Variants in CPED1 observed in about 807,000 individuals in gnomAD.
CPED1 encodes the protein cadherin like and PC-esterase domain containing 1.
Under a neutral mutation model 128.2 loss-of-function variants are expected in CPED1, and 114 were observed. That is an observed-to-expected ratio of 0.89 (90% CI 0.76 to 1.04). CPED1 has a LOEUF of 1.04. Ranked by LOEUF, CPED1 falls within the 50% of genes least tolerant of loss-of-function variation. The pLI is 0.00. For synonymous variants in CPED1, 462 were observed against 426.7 expected, an observed-to-expected ratio of 1.08 and a Z score of -1.02; for missense variants, 1,211 against 1,207.1, an observed-to-expected ratio of 1.00 and a Z score of -0.05.
chr7:121,144,237 C>T (rs757409250), intron 16 of CPED1, among the ~76,000 whole-genome samples: 8 of 152,128 alleles, frequency 5.3e-5, no homozygotes, highest in Non-Finnish European at 1.0e-4. Context: ...TATCTGCATT[C>T]CCATGTTTGT....
At chr7:121,058,203 CTTG>C (rs936336185) in intron 4 of CPED1, among the ~76,000 whole-genome samples, 4 of 152,082 alleles carry the variant, frequency 2.6e-5, no homozygotes, top group Admixed American at 6.5e-5. Flanking sequence ...GGCTTTTACT[CTTG>C]TTAAGTGGAG....
intron 21 of CPED1, among the ~76,000 whole-genome samples, chr7:121,268,308 T>C (rs1584644014): frequency 6.6e-6 from 1 of 152,058 alleles, no homozygotes; most frequent in Non-Finnish European, 1.5e-5. Context: ...ATTGGCATAC[T>C]TGTGGCCTTT....
chr7:121,088,585 G>A (rs1794493384), intron 5 of CPED1, among the ~76,000 whole-genome samples: 1 of 151,298 alleles, frequency 6.6e-6, no homozygotes, highest in Admixed American at 6.6e-5. Context: ...CATGAATCCG[G>A]GAGGCAGAGG....
At position 120,989,737 on chromosome 7, in the gene CPED1, G is replaced by A; in HGVS notation, c.116G>A (p.Arg39Lys). The A allele has an allele frequency of 1.9e-6, 3 of 1,613,890 alleles. No homozygotes were observed. The highest frequency in any genetic ancestry group is 2.5e-6 in the Non-Finnish European group (3 of 1,179,984). The change falls in exon 2 of 23, where the codon AGG (arginine) becomes AAG (lysine). Residue 39 changes from arginine (R) to lysine (K), a missense_variant. Arg to Lys is a conservative substitution (Grantham distance 26). Transcript: ENST00000310396. ...CAGACTCTGACCCTCCGAGGGTCGA[G>A]GAAGCTCACAGCCGCTGCCCCTGGG... ...FYQTLTLRGS[R>K]KLTAAAPGAV...
At chr7:121,010,824 G>A (rs756227553) in intron 2 of CPED1, among the ~76,000 whole-genome samples, 1 of 152,182 alleles carries the variant, frequency 6.6e-6, no homozygotes. Flanking sequence ...ATGCTTTCAA[G>A]CCTCACCTTG....
At chr7:121,274,478 C>A (rs1010477385) in intron 22 of CPED1, among the ~76,000 whole-genome samples, 2 of 152,080 alleles carry the variant, frequency 1.3e-5, no homozygotes, top group African/African-American at 4.8e-5. Context: ...CCATGTAGGT[C>A]TCCGCCAAAT....
chr7:120,989,976 A>T, intron 2 of CPED1, 106 bp downstream of exon 2: 1 of 1,363,946 alleles, frequency 7.3e-7, no homozygotes, highest in Non-Finnish European at 1.0e-6. Context: ...TCTGAAAGGG[A>T]TCCAGAGTGT....
intron 22 of CPED1, among the ~76,000 whole-genome samples, chr7:121,272,483 C>T (rs1219884014): frequency 6.6e-6 from 1 of 152,010 alleles, no homozygotes; most frequent in African/African-American, 2.4e-5. Flanking sequence ...AATACCTCTC[C>T]TCCAAGTAGA....
chr7:121,046,541 A>T (rs756750075), intron 3 of CPED1, among the ~76,000 whole-genome samples: 4 of 152,008 alleles, frequency 2.6e-5, no homozygotes, highest in Non-Finnish European at 5.9e-5. Flanking sequence ...TCCCAAATCT[A>T]CAAAAAAAGA....
At chr7:121,159,772 A>G (rs1203467890) in intron 16 of CPED1, among the ~76,000 whole-genome samples, 2 of 152,184 alleles carry the variant, frequency 1.3e-5, no homozygotes, top group Admixed American at 6.5e-5. Context: ...ATACATGCAC[A>G]CACATGGTAA....
At chr7:121,177,756 T>A (rs1796817078) in intron 16 of CPED1, among the ~76,000 whole-genome samples, 1 of 152,088 alleles carries the variant, frequency 6.6e-6, no homozygotes, top group Admixed American at 6.6e-5. Context: ...CATGACATTT[T>A]GTAATAAGCT....
Position 121,281,130 on chromosome 7 carries a change from C to A in CPED1, c.2868+9700C>A, listed in dbSNP as rs1792451969. ...TGGATCTGGAACCACATCAGAAGTT[C>A]TTTGTGGGTTATTCAGGTCAAGATC... On this transcript the variant is annotated intron_variant, in intron 22 of 22. Transcript: ENST00000310396. Among the ~76,000 whole-genome samples the A allele has an allele frequency of 3.9e-5, 6 of 152,190 alleles. No individual in the cohort carries two copies. In the South Asian group the frequency reaches 1.2e-3, roughly 32 times the overall value.
intron 22 of CPED1, among the ~76,000 whole-genome samples, chr7:121,287,251 A>G (rs893461868): frequency 6.6e-6 from 1 of 151,652 alleles, no homozygotes; most frequent in African/African-American, 2.4e-5. Flanking sequence ...TATACCCCCA[A>G]CCTCCTGCCA....
intron 7 of CPED1, among the ~76,000 whole-genome samples, chr7:121,117,232 C>T (rs192068337): frequency 1.1e-4 from 17 of 151,366 alleles, no homozygotes; most frequent in African/African-American, 3.6e-4. Flanking sequence ...TCCCGAGTAG[C>T]TGGGATTACA....
rs561105658 is a variant in CPED1 at position 121,124,239 on chromosome 7, A to T, written c.919-92A>T. On this transcript the variant is annotated intron_variant, in intron 7 of 22. Coordinates refer to ENST00000310396, the MANE Select transcript of CPED1 (RefSeq NM_024913.5). ...GGTTTGGGTGTGACAAGTAGAGATA[A>T]CCTAGAACAATCCTTCAAATTGGTC... The T allele has an allele frequency of 4.9e-5, 61 of 1,233,320 alleles. No homozygotes were observed. The African/African-American group carries it at 8.7e-4, about 18-fold the overall frequency. The allele number at this position is 1,233,320 out of a possible 1,614,324, so 76.4% of individuals were successfully genotyped here.
chr7:121,235,770 G>A (rs1798239607), intron 16 of CPED1, among the ~76,000 whole-genome samples: 4 of 152,054 alleles, frequency 2.6e-5, no homozygotes, highest in South Asian at 2.1e-4. Flanking sequence ...GTTATCAAAC[G>A]GTGAAGAGCA....
At chr7:121,185,056 G>T (rs1037783617) in intron 16 of CPED1, among the ~76,000 whole-genome samples, 1 of 152,016 alleles carries the variant, frequency 6.6e-6, no homozygotes, top group Non-Finnish European at 1.5e-5. Flanking sequence ...AGACATGGAT[G>T]CTGTTTATCA....
chr7:121,230,842 T>A lies in CPED1; in HGVS notation c.2056-5872T>A, dbSNP rs1322441876. Among the ~76,000 whole-genome samples the A allele has an allele frequency of 2.6e-5, 4 of 152,066 alleles. No homozygotes were observed. In the East Asian group the frequency reaches 7.7e-4, roughly 29 times the overall value. The stretch of plus-strand genomic sequence containing the variant: ...AAAAACAGGGGAGACATGTTATTAG[T>A]GTTCTCTTTAGGAGAGCAAAACAAG... On this transcript the variant is annotated intron_variant, in intron 16 of 22. Coordinates refer to ENST00000310396, the MANE Select transcript of CPED1 (RefSeq NM_024913.5).
chr7:121,005,502 G>A (rs912963579), intron 2 of CPED1, among the ~76,000 whole-genome samples: 20 of 151,790 alleles, frequency 1.3e-4, no homozygotes, highest in African/African-American at 3.9e-4. Flanking sequence ...GGGGTCTGTC[G>A]GCGGGTGGGG....
Sources: allele counts gnomAD v4.1 joint callset (sites outside exome capture counted in the v4.1 genomes callset), GRCh38; gene constraint gnomAD v4.1.1; transcripts MANE v1.5; gene names NCBI Gene and HGNC (gene_info 2026-07-23, HGNC 2026-07-21).